KANSL3: variants seen among roughly 807,000 people sequenced by gnomAD.
KANSL3 encodes the protein KAT8 regulatory NSL complex subunit 3.
Under a neutral mutation model 89.2 loss-of-function variants are expected in KANSL3, and 16 were observed. The ratio of observed to expected loss-of-function variants is 0.18; its 90% CI spans 0.12 to 0.27. The LOEUF (loss-of-function observed/expected upper bound fraction) is 0.27, where lower values mean the gene tolerates loss of function less well. Ranked by LOEUF, KANSL3 falls within the 10% of genes least tolerant of loss-of-function variation. The probability of loss-of-function intolerance (pLI) is 1.00; values close to 1 mark genes in which losing one functional copy is unlikely to be tolerated. For synonymous variants in KANSL3, 385 were observed against 419.7 expected, an observed-to-expected ratio of 0.92 and a Z score of 1.01; for missense variants, 879 against 1,110.6, an observed-to-expected ratio of 0.79 and a Z score of 2.96.
chr2:96,632,705 T>C (rs1350312948), intron 2 of KANSL3, among the ~76,000 whole-genome samples: 1 of 151,982 alleles, frequency 6.6e-6, no homozygotes, highest in East Asian at 1.9e-4. Flanking sequence ...TTCAATACAG[T>C]AGGTATAAGC....
At chr2:96,635,895 G>A (rs910511148) in intron 2 of KANSL3, among the ~76,000 whole-genome samples, 1 of 152,036 alleles carries the variant, frequency 6.6e-6, no homozygotes, top group African/African-American at 2.4e-5. Flanking sequence ...TCAGGAGGCT[G>A]AGGCAGGAGA....
the KANSL3 span, among the ~76,000 whole-genome samples, chr2:96,583,557 C>G: frequency 6.6e-6 from 1 of 152,190 alleles, no homozygotes; most frequent in Non-Finnish European, 1.5e-5. Context: ...ATTCAGCATG[C>G]TATTGAGATT....
chr2:96,591,342 G>A (rs375320517), downstream of KANSL3, among the ~76,000 whole-genome samples: 1 of 152,170 alleles, frequency 6.6e-6, no homozygotes, highest in Admixed American at 6.5e-5. Flanking sequence ...TGGGGAAGGA[G>A]ATGGATGCAA....
chr2:96,604,451 TAC>T (rs2067663826), intron 16 of KANSL3, 71 bp from the exon 17 acceptor site: 11 of 1,546,154 alleles, frequency 7.1e-6, no homozygotes, highest in Non-Finnish European at 9.6e-6. Flanking sequence ...ACTGGCAGGG[TAC>T]AGAGTGGGGC....
downstream of KANSL3, among the ~76,000 whole-genome samples, chr2:96,591,254 G>T (rs1296372484): frequency 6.6e-6 from 1 of 152,194 alleles, no homozygotes; most frequent in African/African-American, 2.4e-5. Flanking sequence ...AAAAGGCCAT[G>T]CACTGTAAGA....
intron 14 of KANSL3, among the ~76,000 whole-genome samples, chr2:96,607,382 C>T (rs1349024864): frequency 6.6e-6 from 1 of 152,198 alleles, no homozygotes; most frequent in Non-Finnish European, 1.5e-5. Flanking sequence ...AAAGCTGCTA[C>T]TCTCCCCCAT....
chr2:96,638,124 C>A (rs1165198656), intron 1 of KANSL3, 159 bp downstream of exon 1: 1 of 141,546 alleles, frequency 7.1e-6, no homozygotes, highest in Non-Finnish European at 1.6e-5. Flanking sequence ...CCGCCCCCGG[C>A]CCGACCCGCC....
intron 17 of KANSL3, 70 bp downstream of exon 17, chr2:96,604,180 C>G: frequency 1.3e-6 from 2 of 1,505,810 alleles, no homozygotes; most frequent in Non-Finnish European, 1.8e-6. Context: ...GGATGCTTTC[C>G]CAGGACCACC....
chr2:96,584,684 TG>T, the KANSL3 span, among the ~76,000 whole-genome samples: 1 of 152,242 alleles, frequency 6.6e-6, no homozygotes, highest in Non-Finnish European at 1.5e-5. Context: ...TCATCCATGT[TG>T]CTGCAAATGA....
At chr2:96,581,123 C>G in the KANSL3 span, among the ~76,000 whole-genome samples, 1 of 152,180 alleles carries the variant, frequency 6.6e-6, no homozygotes, top group South Asian at 2.1e-4. Context: ...TTAGTTTCCC[C>G]GCTTTAAGAA....
intron 9 of KANSL3, among the ~76,000 whole-genome samples, chr2:96,611,903 A>ATATG (rs376030964): frequency 8.8e-5 from 10 of 113,302 alleles, no homozygotes; most frequent in Admixed American, 9.8e-5. Flanking sequence ...ATATACCCAT[A>ATATG]TGTGTGTGTG....
rs1392084284 is a variant in KANSL3, at chr2:96,593,236, C to A, written c.*2375G>T. The A allele has an allele frequency of 2.2e-6, 1 of 456,080 alleles. No homozygotes were observed. Among genetic ancestry groups the A allele is most frequent in the South Asian group, 1.5e-5 (1 of 64,566 alleles). The allele number at this position is 456,080 out of a possible 1,614,324, so 28.3% of individuals were successfully genotyped here. A position where few individuals can be genotyped will look rare whatever the true frequency, so the allele number is the denominator to read the frequency against. ...ACAGAACCATCACAGCCGCTCAGCT[C>A]TATAACCCATCCAGCCCAAGACTGT... is the stretch of plus-strand genomic sequence containing the variant. On this transcript the variant is annotated 3_prime_UTR_variant, in exon 21 of 21. Coordinates refer to ENST00000431828, the MANE Select transcript of KANSL3 (RefSeq NM_001115016.3).
Position 96,601,380 on chromosome 2 carries a change from A to G in KANSL3, c.2616+263T>C, listed in dbSNP as rs2067159777. 5.1e-6 allele frequency: 5 copies of G among 985,266 alleles called. No homozygotes were observed. The Admixed American group carries it at 3.1e-4, about 61-fold the overall frequency. 61.0% of individuals were successfully genotyped at this position (985,266 alleles called of 1,614,324 possible). ...AAATGAAACGAAAGGAAAAGTAAAC[A>G]AAAACATTAAATACTAGACACTGCT... On this transcript the variant is annotated intron_variant, in intron 20 of 20. Coordinates refer to ENST00000431828, the MANE Select transcript of KANSL3 (RefSeq NM_001115016.3).
chr2:96,586,582 C>A, the KANSL3 span, among the ~76,000 whole-genome samples: 1 of 152,070 alleles, frequency 6.6e-6, no homozygotes, highest in Non-Finnish European at 1.5e-5. Context: ...AAATTACTTC[C>A]TTGTTTTTTA....
At chr2:96,585,691 C>G in the KANSL3 span, among the ~76,000 whole-genome samples, 1 of 151,678 alleles carries the variant, frequency 6.6e-6, no homozygotes, top group Non-Finnish European at 1.5e-5. Flanking sequence ...TTTGCAACTG[C>G]AAAAACATGG....
At chr2:96,583,435 C>T in the KANSL3 span, among the ~76,000 whole-genome samples, 1 of 152,200 alleles carries the variant, frequency 6.6e-6, no homozygotes, top group African/African-American at 2.4e-5. Context: ...TTTCTGGTTA[C>T]AGTCTCTCTC....
chr2:96,632,880 G>A (rs1337913393), intron 2 of KANSL3, among the ~76,000 whole-genome samples: 10 of 151,258 alleles, frequency 6.6e-5, no homozygotes, highest in East Asian at 1.9e-4. Context: ...GAAGGAGAAC[G>A]GTGTGAACCC....
At chr2:96,606,589 A>G (rs1209752578) in intron 14 of KANSL3, 1 of 191,876 alleles carries the variant, frequency 5.2e-6, no homozygotes, top group Non-Finnish European at 1.1e-5. Context: ...TTCAGGTTCT[A>G]TGCTGATATG....
chr2:96,583,560 T>C, the KANSL3 span, among the ~76,000 whole-genome samples: 1 of 152,236 alleles, frequency 6.6e-6, no homozygotes, highest in East Asian at 1.9e-4. Flanking sequence ...CAGCATGCTA[T>C]TGAGATTCAT....
Sources: gnomAD v4.1 joint callset for allele counts (sites outside exome capture counted in the v4.1 genomes callset) on GRCh38, gnomAD v4.1.1 for gene constraint, MANE v1.5 for transcripts, NCBI Gene and HGNC (gene_info 2026-07-23, HGNC 2026-07-21) for gene names.